Variants in HAPLN1 observed in about 807,000 individuals in gnomAD.
HAPLN1 encodes the protein Cartilage link protein.
A neutral mutation model predicts 36.5 loss-of-function variants in HAPLN1; 13 were observed. That is an observed-to-expected ratio of 0.36 (90% CI 0.23 to 0.57). The LOEUF is 0.57. Ranked by LOEUF, HAPLN1 falls within the 20% of genes least tolerant of loss-of-function variation. The pLI is 0.83. For synonymous variants in HAPLN1, 202 were observed against 169.8 expected, an observed-to-expected ratio of 1.19 and a Z score of -1.48; for missense variants, 407 against 439.7, an observed-to-expected ratio of 0.93 and a Z score of 0.66.
intron 3 of HAPLN1, chr5:83,652,019 A>G (rs1750076247): frequency 6.0e-6 from 1 of 165,424 alleles, no homozygotes; most frequent in African/African-American, 2.4e-5. Context: ...TTTTGCAGTC[A>G]TTTTACAGAA....
chr5:83,659,795 A>G (rs986507516), intron 2 of HAPLN1, among the ~76,000 whole-genome samples: 2 of 152,050 alleles, frequency 1.3e-5, no homozygotes, highest in Admixed American at 1.3e-4. Flanking sequence ...ATGGTATCAC[A>G]TTTCCCTATT....
rs1749569911 is a variant in HAPLN1 at position 83,638,165 on chromosome 5, A to T, written c.*3331T>A. ...GAGTTTGACACAAAGAAAAATAGCT[A>T]AGATTCTACAACTCAGAAGAATTAA... is the stretch of plus-strand genomic sequence containing the variant. On this transcript the variant is annotated 3_prime_UTR_variant, in exon 5 of 5. Coordinates refer to ENST00000274341, the MANE Select transcript of HAPLN1 (RefSeq NM_001884.4). The T allele has an allele frequency of 6.6e-6, 1 of 152,024 alleles. No individual in the cohort carries two copies. Among genetic ancestry groups the T allele is most frequent in the Non-Finnish European group, 1.5e-5 (1 of 67,908 alleles). 9.4% of individuals were successfully genotyped at this position (152,024 alleles called of 1,614,324 possible).
chr5:83,642,337 T>C (rs1211187516), intron 4 of HAPLN1, among the ~76,000 whole-genome samples: 1 of 152,212 alleles, frequency 6.6e-6, no homozygotes, highest in Admixed American at 6.5e-5. Context: ...AGGAAGTCAC[T>C]TGCCACAGAT....
chr5:83,652,512 T>C lies in HAPLN1; in HGVS notation c.413A>G (p.Lys138Arg), dbSNP rs773337847. 5.0e-6 allele frequency: 8 copies of C among 1,614,040 alleles called. No homozygotes were observed. Among genetic ancestry groups the C allele is most frequent in the Non-Finnish European group, 6.8e-6 (8 of 1,180,014 alleles). The change falls in exon 3 of 5, where the codon AAG (lysine) becomes AGG (arginine). Residue 138 changes from lysine (K) to arginine (R), a missense_variant. Lys to Arg is a conservative substitution (Grantham distance 26, BLOSUM62 2). Coordinates refer to ENST00000274341, the MANE Select transcript of HAPLN1 (RefSeq NM_001884.4). ...TTCTAATCCTTCAATCACCTCACAC[T>C]TATATCTCCCATAATCTTCCAGAGT... ...DLTLEDYGRY[K>R]CEVIEGLEDD...
chr5:83,648,755 T>C (rs1749961151), intron 3 of HAPLN1, among the ~76,000 whole-genome samples: 1 of 151,996 alleles, frequency 6.6e-6, no homozygotes, highest in African/African-American at 2.4e-5. Flanking sequence ...GCCTGATTGG[T>C]AGATAGTCAC....
intron 1 of HAPLN1, chr5:83,682,405 T>C (rs1751026075): frequency 6.6e-6 from 1 of 152,204 alleles, no homozygotes; most frequent in African/African-American, 2.4e-5. Flanking sequence ...TTGTACTACA[T>C]ACAATGAAAA....
At chr5:83,678,592 C>T (rs566254235) in intron 1 of HAPLN1, among the ~76,000 whole-genome samples, 2 of 152,102 alleles carry the variant, frequency 1.3e-5, no homozygotes, top group Non-Finnish European at 2.9e-5. Context: ...AGTGCAGGTC[C>T]CTCAAAGCAT....
chr5:83,715,332 C>G (rs2112642356), intron 1 of HAPLN1, among the ~76,000 whole-genome samples: 1 of 152,248 alleles, frequency 6.6e-6, no homozygotes, highest in South Asian at 2.1e-4. Context: ...AGAGAACTAT[C>G]AGATCCTCTG....
intron 1 of HAPLN1, among the ~76,000 whole-genome samples, chr5:83,706,279 A>G (rs764917906): frequency 1.4e-4 from 21 of 152,174 alleles, no homozygotes; most frequent in Admixed American, 2.6e-4. Flanking sequence ...CAACAACAAC[A>G]TCAAAAAACT....
At chr5:83,701,927 A>AACACACACACACACACACAC (rs112813015) in intron 1 of HAPLN1, among the ~76,000 whole-genome samples, 1 of 143,848 alleles carries the variant, frequency 7.0e-6, no homozygotes, top group Admixed American at 6.9e-5. Flanking sequence ...CTTCGACAAA[A>AACACACACACACACACACAC]ACACACACAC....
rs550919569 is a variant in HAPLN1 at position 83,687,742 on chromosome 5, T to C, written c.-26-14193A>G. Among the ~76,000 whole-genome samples, 8 of 152,360 alleles carry C rather than the reference T, an allele frequency of 5.3e-5. No homozygotes were observed. The East Asian group carries it at 1.5e-3, about 29-fold the overall frequency. On this transcript the variant is annotated intron_variant, in intron 1 of 4. Coordinates refer to ENST00000274341, the MANE Select transcript of HAPLN1 (RefSeq NM_001884.4). ...CTGTTAATTGTAACATTTTAACATATCCTATTCCTTCATTTACATATTGGG... is the reference window on the plus strand; with the variant it reads ...CTGTTAATTGTAACATTTTAACATACCCTATTCCTTCATTTACATATTGGG...
At chr5:83,659,357 G>A (rs565616984) in intron 2 of HAPLN1, among the ~76,000 whole-genome samples, 8 of 152,212 alleles carry the variant, frequency 5.3e-5, no homozygotes, top group Admixed American at 5.2e-4. Context: ...AGATACAAAG[G>A]AGTATGTGTG....
At chr5:83,715,996 T>G (rs1292052024) in intron 1 of HAPLN1, among the ~76,000 whole-genome samples, 4 of 152,180 alleles carry the variant, frequency 2.6e-5, no homozygotes, top group Non-Finnish European at 5.9e-5. Flanking sequence ...CACATGGGAC[T>G]AGCACAGTGC....
chr5:83,665,490 G>T (rs1466117926), intron 2 of HAPLN1, among the ~76,000 whole-genome samples: 4 of 152,156 alleles, frequency 2.6e-5, no homozygotes, highest in African/African-American at 9.7e-5. Flanking sequence ...GAATCAGCTA[G>T]AAGTGGAAAT....
intron 1 of HAPLN1, among the ~76,000 whole-genome samples, chr5:83,703,116 GCCA>G (rs1270816495): frequency 6.6e-6 from 1 of 152,154 alleles, no homozygotes; most frequent in African/African-American, 2.4e-5. Flanking sequence ...TTGTTGGACA[GCCA>G]CAGACATTAT....
chr5:83,712,762 A>T (rs2112640025), intron 1 of HAPLN1, among the ~76,000 whole-genome samples: 1 of 151,626 alleles, frequency 6.6e-6, no homozygotes, highest in East Asian at 1.9e-4. Flanking sequence ...AAAAACAAGA[A>T]TTTTTTTTGG....
At chr5:83,680,909 G>A (rs1406304559) in intron 1 of HAPLN1, among the ~76,000 whole-genome samples, 1 of 152,068 alleles carries the variant, frequency 6.6e-6, no homozygotes, top group Admixed American at 6.6e-5. Context: ...TAAATAAGCA[G>A]TACTGCCACT....
intron 3 of HAPLN1, among the ~76,000 whole-genome samples, chr5:83,647,163 C>T (rs550610125): frequency 2.0e-5 from 3 of 152,230 alleles, no homozygotes; most frequent in East Asian, 3.9e-4. Context: ...TACTTAAATA[C>T]GATTTAGTTC....
At position 83,639,254 on chromosome 5, in the gene HAPLN1, A is replaced by G. The variant is rs1749609821; in HGVS notation, c.*2242T>C. The G allele has an allele frequency of 6.6e-6, 1 of 152,076 alleles. No homozygotes were observed. The highest frequency in any genetic ancestry group is 2.4e-5 in the African/African-American group (1 of 41,452). 9.4% of individuals were successfully genotyped at this position (152,076 alleles called of 1,614,324 possible). The stretch of plus-strand genomic sequence containing the variant: ...AAAATGAGAAGAAAAAATTCTGCTC[A>G]GCAGTATTCACTGTGTTAAGATTTT... On this transcript the variant is annotated 3_prime_UTR_variant, in exon 5 of 5. Transcript: ENST00000274341.
Sources: allele counts gnomAD v4.1 joint callset (sites outside exome capture counted in the v4.1 genomes callset), GRCh38; gene constraint gnomAD v4.1.1; transcripts MANE v1.5; gene names NCBI Gene and HGNC (gene_info 2026-07-23, HGNC 2026-07-21).